The following SDK2 variants were observed in gnomAD, a reference collection of about 807,000 sequenced individuals.
SDK2 encodes the protein sidekick cell adhesion molecule 2, also known as protein sidekick-2.
SDK2 carries 105 observed loss-of-function variants against 253.9 expected under a neutral mutation model. That is an observed-to-expected ratio of 0.41 (90% confidence interval 0.35 to 0.49). SDK2 has a LOEUF of 0.49. SDK2 is among the 20% of genes least tolerant of loss of function. SDK2 has a pLI of 0.06. For missense variants in SDK2, 2,608 were observed against 3,003.0 expected (o/e 0.87, Z 3.07); for synonymous variants, 1,249 against 1,234.9 (o/e 1.01, Z -0.24).
chr17:73,644,081 C>G lies in SDK2; in HGVS notation c.8G>C (p.Gly3Ala). MWGLLIWTLLALH... is the reference protein window; with the variant it reads MWALLIWTLLALH... Reference sequence around the variant, plus strand: ...AGCTAGCAGTGTCCAGATCAAAAGCCCCCACATGGTGACCAGCCTGGAGAG... The same window carrying G: ...AGCTAGCAGTGTCCAGATCAAAAGCGCCCACATGGTGACCAGCCTGGAGAG... Residue 3 changes from glycine (G) to alanine (A), a missense_variant, in exon 1 of 45, where the codon GGG (glycine) becomes GCG (alanine). Physicochemically the swap from Gly to Ala is moderately conservative, Grantham distance 60. Around this residue, in one of 2 missense-constraint regions of SDK2, gnomAD observed 1,505 missense variants for 1,859.1 expected, o/e 0.81. Coordinates refer to ENST00000392650, the MANE Select transcript of SDK2 (RefSeq NM_001144952.2). The surrounding 1 kb of genome is among the most constrained non-coding windows in gnomAD (Gnocchi z 6.3). 6.4e-7 allele frequency: 1 copy of G among 1,551,148 alleles called. No individual in the cohort carries two copies. Among genetic ancestry groups the G allele is most frequent in the South Asian group, 1.2e-5 (1 of 83,960 alleles).
At position 73,338,829 on chromosome 17, in the gene SDK2, CCTT is replaced by C; in HGVS notation, c.6274_6276del (p.Lys2092del). ...CTGTAGGCCTGTGCCCTCGAGATGC[CCTT>C]CTGCTGTCGCCGCCACGAGTTGTAG... On this transcript the variant is annotated inframe_deletion, in exon 45 of 45. Transcript: ENST00000392650. The surrounding 1 kb of genome is among the most constrained non-coding windows in gnomAD (Gnocchi z 5.0). 1.2e-6 allele frequency: 2 copies of C among 1,613,976 alleles called. No homozygotes were observed. Among genetic ancestry groups the C allele is most frequent in the Middle Eastern group, 3.3e-4 (2 of 6,060 alleles).
At chr17:73,514,353 C>T (rs34476406) in intron 1 of SDK2, among the ~76,000 whole-genome samples, 50,552 of 152,066 alleles carry the variant, frequency 0.33, 9,446 homozygotes, top group South Asian at 0.49. Flanking sequence ...CTAAATACCC[C>T]CATTGTCCTC....
intron 5 of SDK2, among the ~76,000 whole-genome samples, chr17:73,441,221 T>C (rs1364453454): frequency 7.6e-6 from 1 of 131,536 alleles, no homozygotes; most frequent in Non-Finnish European, 1.6e-5. Context: ...CACCCTGTCC[T>C]GTTCCATTCC....
At chr17:73,625,925 G>A (rs1054389530) in intron 1 of SDK2, among the ~76,000 whole-genome samples, 2 of 152,198 alleles carry the variant, frequency 1.3e-5, no homozygotes, top group African/African-American at 2.4e-5. Context: ...GATTATAGGC[G>A]TGAATCACCG....
intron 36 of SDK2, among the ~76,000 whole-genome samples, chr17:73,370,039 G>C (rs1259007656): frequency 1.3e-5 from 2 of 152,196 alleles, no homozygotes; most frequent in Non-Finnish European, 2.9e-5. Flanking sequence ...GCCCAGCCAC[G>C]TGCAAAATTG....
At chr17:73,401,596 G>T in intron 20 of SDK2, 58 bp downstream of exon 20, 2 of 1,449,008 alleles carry the variant, frequency 1.4e-6, no homozygotes, top group Non-Finnish European at 1.9e-6. Context: ...GGATGGACCA[G>T]CTCTGACCTT....
At chr17:73,445,106 C>T (rs536606737) in intron 5 of SDK2, among the ~76,000 whole-genome samples, 5 of 152,290 alleles carry the variant, frequency 3.3e-5, no homozygotes, top group African/African-American at 1.2e-4. Context: ...ATACAGATCA[C>T]GTATTTCGGG....
intron 36 of SDK2, among the ~76,000 whole-genome samples, chr17:73,376,972 C>T (rs1033425077): frequency 6.6e-6 from 1 of 152,148 alleles, no homozygotes; most frequent in Non-Finnish European, 1.5e-5. Context: ...TAAGCTCTTC[C>T]CCTTTGCTGA....
At chr17:73,350,955 C>T (rs951949364) in intron 41 of SDK2, among the ~76,000 whole-genome samples, 165 bp from the exon 42 acceptor site, 2 of 152,146 alleles carry the variant, frequency 1.3e-5, no homozygotes, top group African/African-American at 2.4e-5. Flanking sequence ...CTCAAGTATC[C>T]GCTCTGATCA....
At position 73,616,729 on chromosome 17, in the gene SDK2, C is replaced by T. The variant is rs112783924; in HGVS notation, c.64+27296G>A. On this transcript the variant is annotated intron_variant, in intron 1 of 44. Transcript: ENST00000392650. This position sits in a 1 kb window ranked among gnomAD's most constrained non-coding sequence, Gnocchi z 5.2. ...GAAGCCACTTTCCTCCTGGGCCCAG[C>T]CCTTAGAGAGGTGCCTGAGAGGTGA... Among the ~76,000 whole-genome samples the T allele has an allele frequency of 7.1e-3, 1,085 of 152,282 alleles. 14 individuals carry two copies. The highest frequency in any genetic ancestry group is 0.025 in the African/African-American group (1,032 of 41,546).
At chr17:73,477,256 C>A (rs926986193) in intron 2 of SDK2, among the ~76,000 whole-genome samples, 15 of 152,150 alleles carry the variant, frequency 9.9e-5, no homozygotes, top group Admixed American at 7.2e-4. Flanking sequence ...GCCTGCCCCA[C>A]TCACCCGTAG....
chr17:73,506,048 G>T (rs905373482), intron 2 of SDK2, among the ~76,000 whole-genome samples: 17 of 152,192 alleles, frequency 1.1e-4, no homozygotes, highest in African/African-American at 3.6e-4. Context: ...CCTGCCTCCG[G>T]CTCCCAGCCG....
intron 44 of SDK2, among the ~76,000 whole-genome samples, chr17:73,342,330 A>AC: frequency 6.6e-6 from 1 of 152,034 alleles, no homozygotes; most frequent in Non-Finnish European, 1.5e-5. Context: ...AGCACAATAC[A>AC]AGCCCCTTTC....
intron 36 of SDK2, among the ~76,000 whole-genome samples, chr17:73,372,183 C>G (rs1282350788): frequency 6.6e-6 from 1 of 152,168 alleles, no homozygotes; most frequent in African/African-American, 2.4e-5. Context: ...TTTGTGAGCG[C>G]TGCATTCTGC....
At chr17:73,599,286 C>T (rs1004573944) in intron 1 of SDK2, among the ~76,000 whole-genome samples, 8 of 152,180 alleles carry the variant, frequency 5.3e-5, no homozygotes, top group African/African-American at 1.7e-4. Flanking sequence ...AATCCCAGCA[C>T]TTTGGGAGGC....
chr17:73,348,577 C>T, intron 44 of SDK2, 22 bp downstream of exon 44: 2 of 1,609,982 alleles, frequency 1.2e-6, no homozygotes, highest in Non-Finnish European at 1.7e-6. Flanking sequence ...CCCTGCAGGA[C>T]ACCTGGCCCT....
At chr17:73,348,073 T>G (rs181971422) in intron 44 of SDK2, among the ~76,000 whole-genome samples, 37 of 152,314 alleles carry the variant, frequency 2.4e-4, no homozygotes, top group Admixed American at 2.4e-3. Flanking sequence ...GCAGCAAAGC[T>G]AGGATTCACA....
At chr17:73,426,604 A>C (rs907598244) in intron 12 of SDK2, among the ~76,000 whole-genome samples, 2 of 152,134 alleles carry the variant, frequency 1.3e-5, no homozygotes, top group Admixed American at 1.3e-4. Flanking sequence ...TCATTTCCTC[A>C]AGGACAAATT....
rs928358176 is a variant in SDK2, at chr17:73,467,640, G to C, written c.331+4472C>G. The stretch of plus-strand genomic sequence containing the variant: ...CAGTGTGTCCAGCAAGGGCATGAAT[G>C]GGGGAGGTATGCTTCTCTCCTTCCC... On this transcript the variant is annotated intron_variant, in intron 3 of 44. Coordinates refer to ENST00000392650, the MANE Select transcript of SDK2 (RefSeq NM_001144952.2). This position sits in a 1 kb window ranked among gnomAD's most constrained non-coding sequence, Gnocchi z 4.1. 2.0e-5 allele frequency among the ~76,000 whole-genome samples: 3 copies of C among 152,302 alleles called. No individual in the cohort carries two copies. Among genetic ancestry groups the C allele is most frequent in the South Asian group, 2.1e-4 (1 of 4,830 alleles).
Sources: allele counts gnomAD v4.1 joint callset (sites outside exome capture counted in the v4.1 genomes callset), GRCh38; gene constraint gnomAD v4.1.1; regional missense constraint gnomAD v4.1.1; non-coding constraint Gnocchi (gnomAD v3.1); transcripts MANE v1.5; gene names NCBI Gene and HGNC (gene_info 2026-07-23, HGNC 2026-07-21).